LEPR: variants seen among roughly 807,000 people sequenced by gnomAD.
LEPR encodes the protein OB receptor.
A neutral mutation model predicts 114.7 loss-of-function variants in LEPR; 56 were observed. The observed-to-expected ratio is 0.49, with a 90% CI of 0.39 to 0.61. The LOEUF (loss-of-function observed/expected upper bound fraction) is 0.61, where lower values mean the gene tolerates loss of function less well. Among genes scored for constraint, LEPR ranks in the 20% least tolerant of loss-of-function variants. The pLI, the probability that LEPR is intolerant of heterozygous loss-of-function variation, is 0.00. For synonymous variants in LEPR, 443 were observed against 461.4 expected (o/e 0.96, Z 0.51); for missense variants, 1,202 against 1,352.9 (o/e 0.89, Z 1.75).
chr1:65,620,320 T>A (rs2101005633), intron 17 of LEPR, among the ~76,000 whole-genome samples: 1 of 152,284 alleles, frequency 6.6e-6, no homozygotes, highest in Admixed American at 6.5e-5. Flanking sequence ...CTAAGCAACC[T>A]AGCAATGATA....
intron 2 of LEPR, among the ~76,000 whole-genome samples, chr1:65,547,708 A>C (rs1236484967): frequency 6.8e-6 from 1 of 146,030 alleles, no homozygotes; most frequent in African/African-American, 2.6e-5. Flanking sequence ...TTTTTTCTTT[A>C]TTAGTCTTGC....
intron 2 of LEPR, among the ~76,000 whole-genome samples, chr1:65,555,874 A>G (rs1247444547): frequency 1.3e-5 from 2 of 152,228 alleles, no homozygotes; most frequent in South Asian, 2.1e-4. Flanking sequence ...TCTGTTTGGC[A>G]TGTTTCCATG....
intron 2 of LEPR, among the ~76,000 whole-genome samples, chr1:65,481,320 A>G (rs1647230326): frequency 6.6e-6 from 1 of 152,228 alleles, no homozygotes; most frequent in Non-Finnish European, 1.5e-5. Flanking sequence ...AATATGATTC[A>G]GCCCATAACA....
chr1:65,638,765 A>AC lies in LEPR; in HGVS notation c.*1755dup, dbSNP rs777984428. ...CAGGATCTCACATACTCAACTAATGACCCCCTTACAAGAAATAGGTAAAGG... is the reference window on the plus strand; with the variant it reads ...CAGGATCTCACATACTCAACTAATGACCCCCCTTACAAGAAATAGGTAAAGG... On this transcript the variant is annotated 3_prime_UTR_variant, in exon 20 of 20. Transcript: ENST00000349533. 4 of 152,066 alleles carry AC rather than the reference A, an allele frequency of 2.6e-5. No individual in the cohort carries two copies. Among genetic ancestry groups the AC allele is most frequent in the African/African-American group, 4.8e-5 (2 of 41,408 alleles). The allele number at this position is 152,066 out of a possible 1,614,324, so 9.4% of individuals were successfully genotyped here.
At chr1:65,474,991 TGC>T (rs1647138078) in intron 2 of LEPR, among the ~76,000 whole-genome samples, 1 of 111,212 alleles carries the variant, frequency 9.0e-6, no homozygotes, top group South Asian at 2.9e-4. Context: ...TGGGCGACAG[TGC>T]GAGACTCCAT....
At chr1:65,623,144 G>A in intron 19 of LEPR, 163 bp downstream of exon 19, 1 of 734,236 alleles carries the variant, frequency 1.4e-6, no homozygotes, top group Non-Finnish European at 2.2e-6. Flanking sequence ...GCAGGATGCA[G>A]GGATTTGAAA....
chr1:65,633,013 G>A lies in LEPR; in HGVS notation c.2674-3178G>A. ...TTCAAAATTTTGCCCTTTCCCAAAA[G>A]GATGCATTATTGTAACCTAACACAA... On this transcript the variant is annotated intron_variant, in intron 19 of 19. Coordinates refer to ENST00000349533, the MANE Select transcript of LEPR (RefSeq NM_002303.6). The surrounding 1 kb of genome is among the most constrained non-coding windows in gnomAD (Gnocchi z 4.1). 1.5e-6 allele frequency: 1 copy of A among 683,496 alleles called. No homozygotes were observed. Among genetic ancestry groups the A allele is most frequent in the South Asian group, 2.0e-5 (1 of 49,874 alleles). 42.3% of individuals were successfully genotyped at this position (683,496 alleles called of 1,614,324 possible).
chr1:65,484,077 G>A (rs1236516822), intron 2 of LEPR, among the ~76,000 whole-genome samples: 4 of 151,720 alleles, frequency 2.6e-5, no homozygotes, highest in East Asian at 1.9e-4. Context: ...GGCTGGTCTC[G>A]AACCCCTAGC....
chr1:65,621,741 A>G (rs558111259), intron 18 of LEPR, among the ~76,000 whole-genome samples: 2 of 152,310 alleles, frequency 1.3e-5, no homozygotes, highest in African/African-American at 2.4e-5. Context: ...CTTCTGGCCA[A>G]TTTTGTTCAG....
In LEPR at chr1:65,470,592, G is replaced by A. The variant is rs111883219; in HGVS notation, c.-21+45214G>A. 1.9e-3 allele frequency among the ~76,000 whole-genome samples: 287 copies of A among 152,232 alleles called. 1 individual carries two copies. Among genetic ancestry groups the A allele is most frequent in the African/African-American group, 6.6e-3 (276 of 41,532 alleles). ...AACCCTTGCTCCCCTTCCTAAATAA[G>A]CAAACAGAGGGAAATTTCTGATTTT... On this transcript the variant is annotated intron_variant, in intron 2 of 19. Transcript: ENST00000349533.
intron 18 of LEPR, among the ~76,000 whole-genome samples, chr1:65,622,151 A>C (rs945904461): frequency 3.3e-5 from 5 of 152,178 alleles, no homozygotes; most frequent in African/African-American, 1.2e-4. Flanking sequence ...TTTTTTAAAA[A>C]AAATGTACAT....
chr1:65,438,527 C>T (rs1207071190), intron 2 of LEPR, among the ~76,000 whole-genome samples: 5 of 122,616 alleles, frequency 4.1e-5, no homozygotes, highest in African/African-American at 6.5e-5. Flanking sequence ...TCCAACCTGG[C>T]GACAGAGCGA....
At chr1:65,512,674 A>ACAAATGAC (rs1417666728) in intron 2 of LEPR, among the ~76,000 whole-genome samples, 12 of 152,192 alleles carry the variant, frequency 7.9e-5, no homozygotes, top group Non-Finnish European at 1.5e-4. Flanking sequence ...GCCAAATTCA[A>ACAAATGAC]CAAATGACCA....
intron 8 of LEPR, among the ~76,000 whole-genome samples, chr1:65,599,753 T>C (rs1022456220): frequency 2.6e-5 from 4 of 152,072 alleles, no homozygotes; most frequent in African/African-American, 9.7e-5. Context: ...TAATTAACAT[T>C]GGTCATGTGA....
At chr1:65,519,214 A>G (rs973269068) in intron 2 of LEPR, among the ~76,000 whole-genome samples, 1 of 147,290 alleles carries the variant, frequency 6.8e-6, no homozygotes, top group Non-Finnish European at 1.5e-5. Context: ...CAGTGGTGTG[A>G]TCTCAGCCTA....
intron 2 of LEPR, among the ~76,000 whole-genome samples, chr1:65,480,953 C>G (rs1049935422): frequency 2.0e-5 from 3 of 152,172 alleles, no homozygotes; most frequent in African/African-American, 7.2e-5. Flanking sequence ...TTTCCTAGAG[C>G]TCTTATAACA....
chr1:65,538,024 C>G (rs1041948657), intron 2 of LEPR, among the ~76,000 whole-genome samples: 4 of 152,054 alleles, frequency 2.6e-5, no homozygotes, highest in Admixed American at 2.6e-4. Context: ...TCTTTTCATT[C>G]ATATTTACAT....
intron 2 of LEPR, among the ~76,000 whole-genome samples, chr1:65,426,702 A>C (rs1448156985): frequency 6.6e-6 from 1 of 152,156 alleles, no homozygotes; most frequent in African/African-American, 2.4e-5. Context: ...AACTAGATAG[A>C]AGATGATGTG....
chr1:65,552,051 T>A (rs961785851), intron 2 of LEPR, among the ~76,000 whole-genome samples: 31 of 152,350 alleles, frequency 2.0e-4, no homozygotes, highest in African/African-American at 7.2e-4. Flanking sequence ...TATAATTTGA[T>A]TACACTGTGG....
Sources: gnomAD v4.1 joint callset for allele counts (sites outside exome capture counted in the v4.1 genomes callset) on GRCh38, gnomAD v4.1.1 for gene constraint, Gnocchi (gnomAD v3.1) non-coding constraint, MANE v1.5 for transcripts, NCBI Gene and HGNC (gene_info 2026-07-23, HGNC 2026-07-21) for gene names.